PARP16: variants seen among roughly 807,000 people sequenced by gnomAD.
PARP16 encodes poly(ADP-ribose) polymerase family member 16.
A neutral mutation model predicts 35.0 loss-of-function variants in PARP16; 31 were observed. The observed-to-expected ratio is 0.88, with a 90% CI of 0.66 to 1.19. The LOEUF is 1.19. Ranked by LOEUF, PARP16 falls within the 50% of genes most tolerant of loss-of-function variation. The probability of loss-of-function intolerance (pLI) is 0.00; values close to 1 mark genes in which losing one functional copy is unlikely to be tolerated. For synonymous variants in PARP16, 162 were observed against 169.5 expected (o/e 0.96, Z 0.34); for missense variants, 424 against 411.2 (o/e 1.03, Z -0.27).
chr15:65,241,007 T>C (rs1423235356), intron 3 of PARP16, among the ~76,000 whole-genome samples: 1 of 151,836 alleles, frequency 6.6e-6, no homozygotes, highest in Non-Finnish European at 1.5e-5. Flanking sequence ...TAATTTTTTG[T>C]ATTTTTTTAG....
Position 65,286,477 on chromosome 15 carries a change from C to A in PARP16, c.-51G>T, listed in dbSNP as rs1339861838. On this transcript the variant is annotated 5_prime_UTR_variant, in exon 1 of 6. Coordinates refer to ENST00000649807, the MANE Select transcript of PARP16 (RefSeq NM_001316943.2). ...TAGACGCGCTGGTTAGGGGCAAGGG[C>A]GAGCGTGCGTTCAGCGCGGGGGCTG... is the stretch of plus-strand genomic sequence containing the variant. The A allele has an allele frequency of 1.5e-6, 2 of 1,344,004 alleles. No individual in the cohort carries two copies. The highest frequency in any genetic ancestry group is 3.0e-5 in the East Asian group (1 of 33,558). The allele number at this position is 1,344,004 out of a possible 1,614,324, so 83.3% of individuals were successfully genotyped here. A position where few individuals can be genotyped will look rare whatever the true frequency, so the allele number is the denominator to read the frequency against.
chr15:65,267,303 C>T (rs1282387834), intron 2 of PARP16, among the ~76,000 whole-genome samples: 1 of 151,610 alleles, frequency 6.6e-6, no homozygotes, highest in East Asian at 2.0e-4. Context: ...GCATGAATTG[C>T]TCCTTCTAAG....
downstream of PARP16, among the ~76,000 whole-genome samples, chr15:65,231,366 C>T (rs1174120460): frequency 6.6e-6 from 1 of 152,008 alleles, no homozygotes; most frequent in East Asian, 1.9e-4. Flanking sequence ...ATTTTCCCCA[C>T]CTTTTCTAAG....
In PARP16 at chr15:65,266,783, G is replaced by A. The variant is rs1175173491; in HGVS notation, c.313-15C>T. On this transcript the variant is annotated splice_polypyrimidine_tract_variant and intron_variant, in intron 2 of 5. Coordinates refer to ENST00000649807, the MANE Select transcript of PARP16 (RefSeq NM_001316943.2). ...ATCTTTTCAAACTTGAAAACATGAA[G>A]AGCATCAAAATTTTATTTGGGGAGC... 1 of 1,598,398 alleles carries A rather than the reference G, an allele frequency of 6.3e-7. No individual in the cohort carries two copies. Among genetic ancestry groups the A allele is most frequent in the Non-Finnish European group, 8.6e-7 (1 of 1,167,920 alleles).
chr15:65,271,311 T>C (rs1982257), intron 1 of PARP16, among the ~76,000 whole-genome samples: 61,129 of 151,780 alleles, frequency 0.4, 13,979 homozygotes, highest in East Asian at 0.86. Context: ...TCTCACTCTG[T>C]CGCCCAGGCT....
intron 3 of PARP16, among the ~76,000 whole-genome samples, chr15:65,245,569 T>A (rs1393936254): frequency 6.6e-6 from 1 of 152,022 alleles, no homozygotes; most frequent in Non-Finnish European, 1.5e-5. Flanking sequence ...TAGGAGGGTG[T>A]CAGAGCTGCT....
At chr15:65,282,020 G>T (rs976224115) in intron 1 of PARP16, among the ~76,000 whole-genome samples, 2 of 152,132 alleles carry the variant, frequency 1.3e-5, no homozygotes, top group African/African-American at 4.8e-5. Flanking sequence ...GAAAGTGAGA[G>T]ACTTTTTTTG....
chr15:65,262,235 C>T (rs1222355168), intron 4 of PARP16, among the ~76,000 whole-genome samples: 6 of 150,758 alleles, frequency 4.0e-5, no homozygotes, highest in East Asian at 2.0e-4. Flanking sequence ...TGGGATCAAG[C>T]GATTCTCATG....
In PARP16 at chr15:65,259,345, G is replaced by A. The variant is rs2089622483; in HGVS notation, c.*62C>T. 4 of 1,570,694 alleles carry A rather than the reference G, an allele frequency of 2.5e-6. No individual in the cohort carries two copies. The highest frequency in any genetic ancestry group is 3.5e-6 in the Non-Finnish European group (4 of 1,142,916). On this transcript the variant is annotated 3_prime_UTR_variant, in exon 6 of 6. Transcript: ENST00000649807. ...CCTGGCTGGACATGAGGCATAGGAGGTACAGAACAAGTTACCATAAGGCAC... is the reference window on the plus strand; with the variant it reads ...CCTGGCTGGACATGAGGCATAGGAGATACAGAACAAGTTACCATAAGGCAC...
At chr15:65,234,625 A>C (rs2088828823) in exon 4 of PARP16, 2 of 152,240 alleles carry the variant, frequency 1.3e-5, no homozygotes, top group African/African-American at 4.8e-5. Context: ...GGGCTCAGCT[A>C]GGTAGCTCTT....
chr15:65,286,655 T>G lies in PARP16; in HGVS notation c.-229A>C, dbSNP rs1379341390. 2 of 355,594 alleles carry G rather than the reference T, an allele frequency of 5.6e-6. No homozygotes were observed. The highest frequency in any genetic ancestry group is 4.3e-5 in the East Asian group (1 of 23,178). 22.0% of individuals were successfully genotyped at this position (355,594 alleles called of 1,614,324 possible). A position where few individuals can be genotyped will look rare whatever the true frequency, so the allele number is the denominator to read the frequency against. ...GCCGCCGAAGAGAGAGACCGAGGCCTGGACCGCGGGTCGGCGGGGAGGTTG... is the reference window on the plus strand; with the variant it reads ...GCCGCCGAAGAGAGAGACCGAGGCCGGGACCGCGGGTCGGCGGGGAGGTTG... On this transcript the variant is annotated 5_prime_UTR_variant, in exon 1 of 6. Transcript: ENST00000649807.
At chr15:65,280,815 GAGAA>G (rs1412236548) in intron 1 of PARP16, among the ~76,000 whole-genome samples, 3 of 152,190 alleles carry the variant, frequency 2.0e-5, no homozygotes, top group African/African-American at 7.2e-5. Context: ...GGAAAAAAAA[GAGAA>G]AGACTCCTTA....
chr15:65,276,594 C>T (rs924006045), intron 1 of PARP16, among the ~76,000 whole-genome samples: 1 of 152,086 alleles, frequency 6.6e-6, no homozygotes, highest in Non-Finnish European at 1.5e-5. Context: ...TCAAAACTCC[C>T]GGGCTCATGC....
chr15:65,286,708 G>C lies in PARP16; in HGVS notation c.-282C>G. 2.8e-6 allele frequency: 1 copy of C among 354,540 alleles called. No homozygotes were observed. The highest frequency in any genetic ancestry group is 5.1e-6 in the Non-Finnish European group (1 of 196,738). 22.0% of individuals were successfully genotyped at this position (354,540 alleles called of 1,614,324 possible). ...CCCAGGGATAAAGGAACTGGGGCTG[G>C]TGGGGGGGAGGGGTTCCCGGCCTAG... On this transcript the variant is annotated 5_prime_UTR_variant, in exon 1 of 6. Coordinates refer to ENST00000649807, the MANE Select transcript of PARP16 (RefSeq NM_001316943.2).
chr15:65,259,589 AT>A (rs746057899), intron 5 of PARP16, 47 bp from the exon 6 acceptor site: 137 of 1,586,808 alleles, frequency 8.6e-5, no homozygotes, highest in East Asian at 8.5e-4. Context: ...AGAGAAAAAC[AT>A]TTTTTTTAAG....
chr15:65,286,326 T>C lies in PARP16; in HGVS notation c.101A>G (p.Tyr34Cys), dbSNP rs774997546. ...CSLFASALQS[Y>C]KRDSVLRPFP... ...GGGCCGCAGCACCGAGTCGCGCTTG[T>C]AGCTCTGCAGGGCCGAGGCGAAGAG... is the stretch of plus-strand genomic sequence containing the variant. Residue 34 changes from tyrosine to cysteine, a missense_variant, in exon 1 of 6, where the codon TAC becomes TGC. Tyr to Cys is a radical substitution (Grantham distance 194). Coordinates refer to ENST00000649807, the MANE Select transcript of PARP16 (RefSeq NM_001316943.2). 1 of 1,605,246 alleles carries C rather than the reference T, an allele frequency of 6.2e-7. No individual in the cohort carries two copies. Among genetic ancestry groups the C allele is most frequent in the Non-Finnish European group, 8.5e-7 (1 of 1,177,066 alleles).
chr15:65,237,930 C>A (rs1162168071), intron 3 of PARP16, among the ~76,000 whole-genome samples: 1 of 152,238 alleles, frequency 6.6e-6, no homozygotes, highest in African/African-American at 2.4e-5. Flanking sequence ...AGTTCTCATA[C>A]TACTTTTTTC....
downstream of PARP16, among the ~76,000 whole-genome samples, chr15:65,233,589 A>T (rs1219059114): frequency 6.6e-6 from 1 of 151,742 alleles, no homozygotes; most frequent in Non-Finnish European, 1.5e-5. Context: ...TACAAAAATT[A>T]GTGGGACAGG....
chr15:65,239,812 A>T (rs1247184010), intron 3 of PARP16, among the ~76,000 whole-genome samples: 1 of 150,582 alleles, frequency 6.6e-6, no homozygotes, highest in East Asian at 2.0e-4. Flanking sequence ...ACCTTCCACC[A>T]CGCCTGGCTA....
Sources: gnomAD v4.1 joint callset for allele counts (sites outside exome capture counted in the v4.1 genomes callset) on GRCh38, gnomAD v4.1.1 for gene constraint, MANE v1.5 for transcripts, NCBI Gene and HGNC (gene_info 2026-07-23, HGNC 2026-07-21) for gene names.